The following ZNF804B variants were observed in gnomAD, a reference collection of about 807,000 sequenced individuals.
ZNF804B encodes the protein zinc finger protein 804B.
A neutral mutation model predicts 101.4 loss-of-function variants in ZNF804B; 80 were observed. The ratio of observed to expected loss-of-function variants is 0.79; its 90% CI spans 0.66 to 0.95. The LOEUF is 0.95. Among genes scored for constraint, ZNF804B ranks in the 40% least tolerant of loss-of-function variants. The pLI, the probability that ZNF804B is intolerant of heterozygous loss-of-function variation, is 0.00. For missense variants in ZNF804B, 1,673 were observed against 1,561.9 expected (o/e 1.07, Z -1.20); for synonymous variants, 622 against 558.8 (o/e 1.11, Z -1.59).
chr7:89,039,919 TG>T (rs1788989977), intron 1 of ZNF804B, among the ~76,000 whole-genome samples: 1 of 152,116 alleles, frequency 6.6e-6, no homozygotes, highest in South Asian at 2.1e-4. Flanking sequence ...TCTTTATCTT[TG>T]ACTTTTGAGA....
intron 1 of ZNF804B, among the ~76,000 whole-genome samples, chr7:89,074,323 TA>T (rs1789585407): frequency 6.6e-6 from 1 of 152,236 alleles, no homozygotes; most frequent in African/African-American, 2.4e-5. Flanking sequence ...CACCCAAATC[TA>T]ATCTTGAATT....
Position 89,134,196 on chromosome 7 carries a change from A to G in ZNF804B, c.109-83959A>G, listed in dbSNP as rs535286673. On this transcript the variant is annotated intron_variant, in intron 1 of 3. Transcript: ENST00000333190. ...CATTTTGTAGACTTGTTTGAACGTC[A>G]TAAATACAGCCAGGAACAGAATGTG... 1.2e-3 allele frequency among the ~76,000 whole-genome samples: 189 copies of G among 152,264 alleles called. 1 individual carries two copies. The highest frequency in any genetic ancestry group is 4.2e-3 in the African/African-American group (176 of 41,572).
At chr7:88,992,210 T>G (rs1793857825) in intron 1 of ZNF804B, among the ~76,000 whole-genome samples, 1 of 152,146 alleles carries the variant, frequency 6.6e-6, no homozygotes, top group Non-Finnish European at 1.5e-5. Flanking sequence ...TAAGGCAGAT[T>G]ATGTTGCTTT....
chr7:89,237,911 A>G (rs1378547056), intron 2 of ZNF804B, among the ~76,000 whole-genome samples: 1 of 152,182 alleles, frequency 6.6e-6, no homozygotes, highest in Non-Finnish European at 1.5e-5. Flanking sequence ...AGAGTTTAAA[A>G]CCATTTACCA....
intron 2 of ZNF804B, among the ~76,000 whole-genome samples, chr7:89,318,237 G>T (rs1017438322): frequency 1.7e-4 from 26 of 152,150 alleles, no homozygotes; most frequent in African/African-American, 5.1e-4. Flanking sequence ...TAATAGGAAT[G>T]GAAAGAGGAG....
chr7:88,882,316 C>T (rs1430358714), intron 1 of ZNF804B, among the ~76,000 whole-genome samples: 1 of 152,050 alleles, frequency 6.6e-6, no homozygotes, highest in Non-Finnish European at 1.5e-5. Flanking sequence ...ATTAAAACCA[C>T]AATGAAATAC....
chr7:89,164,992 C>G (rs564053807), intron 1 of ZNF804B, among the ~76,000 whole-genome samples: 2 of 152,158 alleles, frequency 1.3e-5, no homozygotes, highest in South Asian at 4.1e-4. Flanking sequence ...GTATACATTT[C>G]TGTGTTACTT....
At chr7:89,201,248 AG>A (rs1259414975) in intron 1 of ZNF804B, among the ~76,000 whole-genome samples, 3 of 152,084 alleles carry the variant, frequency 2.0e-5, no homozygotes, top group Non-Finnish European at 2.9e-5. Flanking sequence ...AACCCAGAGT[AG>A]TAACAGAGCA....
Position 89,281,645 on chromosome 7 carries a change from G to C in ZNF804B, c.250-45699G>C, listed in dbSNP as rs376758668. On this transcript the variant is annotated intron_variant, in intron 2 of 3. Transcript: ENST00000333190. ...ATATGAATATGGATAACAACAAAAAGTGCCATGGCAAGAATCAAAATGAAA... is the reference window on the plus strand; with the variant it reads ...ATATGAATATGGATAACAACAAAAACTGCCATGGCAAGAATCAAAATGAAA... 2.4e-3 allele frequency among the ~76,000 whole-genome samples: 366 copies of C among 152,232 alleles called. 3 individuals are homozygous for C. The highest frequency in any genetic ancestry group is 8.5e-3 in the African/African-American group (354 of 41,554).
intron 1 of ZNF804B, among the ~76,000 whole-genome samples, chr7:89,186,796 T>C (rs1788381465): frequency 6.6e-6 from 1 of 152,120 alleles, no homozygotes; most frequent in South Asian, 2.1e-4. Context: ...ACAAAATACT[T>C]GTTCACCTAC....
intron 1 of ZNF804B, among the ~76,000 whole-genome samples, chr7:88,867,918 TTGTC>T (rs975254277): frequency 5.3e-4 from 81 of 152,232 alleles, no homozygotes; most frequent in African/African-American, 1.9e-3. Flanking sequence ...TGAAAGCAGA[TTGTC>T]TGATACTAGA....
At chr7:89,158,807 G>T (rs747494691) in intron 1 of ZNF804B, among the ~76,000 whole-genome samples, 1 of 151,926 alleles carries the variant, frequency 6.6e-6, no homozygotes, top group Non-Finnish European at 1.5e-5. Flanking sequence ...GACTTGACTT[G>T]TACCTTTCTT....
At chr7:88,874,176 G>A (rs1410489338) in intron 1 of ZNF804B, among the ~76,000 whole-genome samples, 1 of 151,976 alleles carries the variant, frequency 6.6e-6, no homozygotes, top group Non-Finnish European at 1.5e-5. Flanking sequence ...TCCTTAAAGA[G>A]GTCCTTCACA....
intron 1 of ZNF804B, among the ~76,000 whole-genome samples, chr7:89,095,930 T>A (rs901277244): frequency 6.6e-6 from 1 of 151,948 alleles, no homozygotes; most frequent in African/African-American, 2.4e-5. Flanking sequence ...GGCAGGCGGA[T>A]CACGAGGTCA....
At chr7:89,283,576 T>C (rs1220491425) in intron 2 of ZNF804B, among the ~76,000 whole-genome samples, 1 of 152,198 alleles carries the variant, frequency 6.6e-6, no homozygotes, top group Non-Finnish European at 1.5e-5. Flanking sequence ...TGTGTCACTT[T>C]TTGTTGTTAC....
chr7:89,125,221 TTGAA>T, intron 1 of ZNF804B, among the ~76,000 whole-genome samples: 1 of 151,946 alleles, frequency 6.6e-6, no homozygotes, highest in Non-Finnish European at 1.5e-5. Flanking sequence ...AAAAAGATTT[TTGAA>T]ACTTAAGGGT....
At chr7:88,944,224 TGA>T (rs1793094622) in intron 1 of ZNF804B, among the ~76,000 whole-genome samples, 1 of 151,742 alleles carries the variant, frequency 6.6e-6, no homozygotes, top group Non-Finnish European at 1.5e-5. Context: ...CAGTAGTCTG[TGA>T]GAGTTTAGGT....
Position 89,171,866 on chromosome 7 carries a change from A to C in ZNF804B, c.109-46289A>C, listed in dbSNP as rs560303619. Among the ~76,000 whole-genome samples the C allele has an allele frequency of 7.2e-5, 11 of 152,280 alleles. No individual in the cohort carries two copies. The South Asian group carries it at 2.3e-3, about 32-fold the overall frequency. On this transcript the variant is annotated intron_variant, in intron 1 of 3. Transcript: ENST00000333190. ...TTGAAGTCTGAGATCTTAATCCTGA[A>C]AGACATTGCTGTCTCTAATTAATAA...
At chr7:89,232,395 T>G (rs1789206516) in intron 2 of ZNF804B, among the ~76,000 whole-genome samples, 1 of 152,168 alleles carries the variant, frequency 6.6e-6, no homozygotes, top group Non-Finnish European at 1.5e-5. Context: ...TTTCTTGAGA[T>G]ATGTGTGTGG....
Sources: allele counts gnomAD v4.1 joint callset (sites outside exome capture counted in the v4.1 genomes callset), GRCh38; gene constraint gnomAD v4.1.1; transcripts MANE v1.5; gene names NCBI Gene and HGNC (gene_info 2026-07-23, HGNC 2026-07-21).